Variants in OPCML observed in about 807,000 individuals in gnomAD.
OPCML encodes opioid-binding protein/cell adhesion molecule.
In OPCML, 13 loss-of-function variants were observed where a neutral mutation model predicts 37.8. The observed-to-expected ratio is 0.34, with a 90% CI of 0.22 to 0.55. OPCML has a LOEUF of 0.55. Ranked by LOEUF, OPCML falls within the 20% of genes least tolerant of loss-of-function variation. The probability of loss-of-function intolerance (pLI) is 0.91; values close to 1 mark genes in which losing one functional copy is unlikely to be tolerated. For missense variants in OPCML, 341 were observed against 435.6 expected, an observed-to-expected ratio of 0.78 and a Z score of 1.93; for synonymous variants, 176 against 168.8, an observed-to-expected ratio of 1.04 and a Z score of -0.33.
intron 3 of OPCML, among the ~76,000 whole-genome samples, chr11:132,601,135 A>T (rs1488342648): frequency 6.6e-6 from 1 of 152,198 alleles, no homozygotes; most frequent in Non-Finnish European, 1.5e-5. Context: ...GTTAAAAATT[A>T]AAACAAAAAA....
At chr11:133,001,516 A>G (rs1365459758) in intron 1 of OPCML, among the ~76,000 whole-genome samples, 2 of 152,248 alleles carry the variant, frequency 1.3e-5, no homozygotes, top group Non-Finnish European at 2.9e-5. Flanking sequence ...ATAGAACTAT[A>G]GCCATAGTCC....
At chr11:132,890,143 C>T (rs1943585630) in intron 2 of OPCML, among the ~76,000 whole-genome samples, 1 of 152,104 alleles carries the variant, frequency 6.6e-6, no homozygotes, top group South Asian at 2.1e-4. Flanking sequence ...TTCTTTAATG[C>T]TCCTGAGATG....
intron 3 of OPCML, among the ~76,000 whole-genome samples, chr11:132,549,457 A>G (rs1433497705): frequency 6.6e-6 from 1 of 152,250 alleles, no homozygotes; most frequent in African/African-American, 2.4e-5. Context: ...TGCTCTGCCA[A>G]TGGAGTGGTC....
intron 3 of OPCML, among the ~76,000 whole-genome samples, chr11:132,603,807 T>G (rs1591612091): frequency 2.0e-5 from 3 of 152,330 alleles, no homozygotes; most frequent in South Asian, 4.1e-4. Flanking sequence ...GCTTTCTAAC[T>G]CTTTAATTGT....
intron 1 of OPCML, among the ~76,000 whole-genome samples, chr11:133,442,681 C>G (rs147627259): frequency 6.6e-6 from 1 of 151,240 alleles, no homozygotes; most frequent in African/African-American, 2.4e-5. Flanking sequence ...AACATAGTGA[C>G]CTACTGTTCC....
chr11:133,135,591 T>C (rs988726730), intron 1 of OPCML, among the ~76,000 whole-genome samples: 1 of 152,228 alleles, frequency 6.6e-6, no homozygotes, highest in Non-Finnish European at 1.5e-5. Context: ...TAGATATTTA[T>C]AGTACTTTTA....
chr11:133,336,825 T>C (rs925569345), intron 1 of OPCML, among the ~76,000 whole-genome samples: 2 of 152,220 alleles, frequency 1.3e-5, no homozygotes, highest in African/African-American at 4.8e-5. Context: ...ATTTTTGTGA[T>C]ACCCAGGGAT....
intron 1 of OPCML, among the ~76,000 whole-genome samples, chr11:133,327,539 G>A (rs3902912): frequency 3.3e-5 from 5 of 151,790 alleles, no homozygotes; most frequent in African/African-American, 1.2e-4. Context: ...CTCAAGCTTC[G>A]ATAAATCTGC....
At chr11:133,179,877 C>T (rs779100808) in intron 1 of OPCML, among the ~76,000 whole-genome samples, 6 of 152,070 alleles carry the variant, frequency 3.9e-5, no homozygotes, top group Admixed American at 2.0e-4. Context: ...AGGAGGAGAG[C>T]GGCCAGTGGG....
chr11:132,784,907 T>C (rs2136162636), intron 2 of OPCML, among the ~76,000 whole-genome samples: 1 of 152,322 alleles, frequency 6.6e-6, no homozygotes, highest in South Asian at 2.1e-4. Context: ...TGCAGAACCA[T>C]GAGTCAAATA....
intron 4 of OPCML, among the ~76,000 whole-genome samples, chr11:132,509,919 G>A (rs533118415): frequency 6.6e-6 from 1 of 152,240 alleles, no homozygotes; most frequent in Admixed American, 6.5e-5. Context: ...TCAGACTGCA[G>A]AATGGTAGAT....
chr11:132,837,776 G>T (rs1941101443), intron 2 of OPCML, among the ~76,000 whole-genome samples: 1 of 152,146 alleles, frequency 6.6e-6, no homozygotes, highest in African/African-American at 2.4e-5. Flanking sequence ...GATGGACAGG[G>T]CATGGCGGGG....
chr11:132,997,924 G>T (rs376246934), intron 1 of OPCML, among the ~76,000 whole-genome samples: 1 of 152,092 alleles, frequency 6.6e-6, no homozygotes, highest in African/African-American at 2.4e-5. Flanking sequence ...TCCCTAACTC[G>T]TTGGTTTTAG....
At chr11:133,398,193 C>T (rs1945327524) in intron 1 of OPCML, among the ~76,000 whole-genome samples, 2 of 152,216 alleles carry the variant, frequency 1.3e-5, no homozygotes, top group African/African-American at 2.4e-5. Context: ...ATTCAGACCT[C>T]CCTCATGGCA....
chr11:132,450,106 C>G (rs2096064883), intron 4 of OPCML, among the ~76,000 whole-genome samples: 1 of 152,182 alleles, frequency 6.6e-6, no homozygotes. Context: ...GCACCCTGCC[C>G]AGGCCCCAGG....
intron 1 of OPCML, among the ~76,000 whole-genome samples, chr11:132,950,737 A>G (rs1297725230): frequency 6.6e-6 from 1 of 152,204 alleles, no homozygotes; most frequent in African/African-American, 2.4e-5. Flanking sequence ...GCCTTTGTTC[A>G]TAATTTGGAA....
intron 3 of OPCML, among the ~76,000 whole-genome samples, chr11:132,550,951 A>G (rs2096380188): frequency 6.6e-6 from 1 of 151,956 alleles, no homozygotes; most frequent in South Asian, 2.2e-4. Context: ...GAAATGGACC[A>G]ATGGAGGAAC....
intron 2 of OPCML, among the ~76,000 whole-genome samples, chr11:132,893,178 A>G (rs979130843): frequency 5.3e-5 from 8 of 151,906 alleles, no homozygotes; most frequent in African/African-American, 1.5e-4. Context: ...GACAGGAGCT[A>G]TAAAAACTCC....
chr11:132,729,232 T>C (rs554143004), intron 2 of OPCML, among the ~76,000 whole-genome samples: 1 of 152,294 alleles, frequency 6.6e-6, no homozygotes, highest in South Asian at 2.1e-4. Context: ...AACATCCTTG[T>C]AGAGCTCAAG....
Sources: gnomAD v4.1 joint callset for allele counts (sites outside exome capture counted in the v4.1 genomes callset) on GRCh38, gnomAD v4.1.1 for gene constraint, MANE v1.5 for transcripts, NCBI Gene and HGNC (gene_info 2026-07-23, HGNC 2026-07-21) for gene names.